The following RAD17 variants were observed in gnomAD, a reference collection of about 807,000 sequenced individuals.
The protein encoded by RAD17 is cell cycle checkpoint protein RAD17.
In RAD17, 31 loss-of-function variants were observed where a neutral mutation model predicts 81.5. That is an observed-to-expected ratio of 0.38 (90% confidence interval 0.29 to 0.51). RAD17 has a LOEUF of 0.51. Among genes scored for constraint, RAD17 ranks in the 20% least tolerant of loss-of-function variants. The pLI, the probability that RAD17 is intolerant of heterozygous loss-of-function variation, is 0.88. For missense variants in RAD17, 681 were observed against 781.2 expected (o/e 0.87, Z 1.53); for synonymous variants, 261 against 266.2 (o/e 0.98, Z 0.19).
Position 69,414,242 on chromosome 5 carries a change from G to C in RAD17, c.1963G>C (p.Asp655His). The C allele has an allele frequency of 5.0e-6, 8 of 1,614,166 alleles. No individual in the cohort carries two copies. The highest frequency in any genetic ancestry group is 5.9e-6 in the Non-Finnish European group (7 of 1,179,994). ...GCCCCAGCCCTTTTCAGCCCAAGGAGACATGGAAGAAAACATAATAATAGA... is the reference window on the plus strand; with the variant it reads ...GCCCCAGCCCTTTTCAGCCCAAGGACACATGGAAGAAAACATAATAATAGA... ...SQPQPFSAQG[D>H]MEENIIIEDY... The change falls in exon 19 of 19, where the codon GAC becomes CAC. Residue 655 changes from aspartate (D) to histidine (H), a missense_variant. Physicochemically the swap from Asp to His is moderately conservative, Grantham distance 81. Coordinates refer to ENST00000354868, the MANE Select transcript of RAD17 (RefSeq NM_133338.3).
intron 17 of RAD17, among the ~76,000 whole-genome samples, chr5:69,403,019 A>G (rs549255051): frequency 2.6e-5 from 4 of 152,296 alleles, no homozygotes; most frequent in African/African-American, 9.6e-5. Context: ...ATTTTTAATT[A>G]ATAGAGATGG....
At chr5:69,409,460 T>C (rs1385979254) in intron 17 of RAD17, among the ~76,000 whole-genome samples, 1 of 152,146 alleles carries the variant, frequency 6.6e-6, no homozygotes, top group Admixed American at 6.6e-5. Context: ...AGGGAGGAGA[T>C]AGTGGCTCAG....
Position 69,414,205 on chromosome 5 carries a change from G to A in RAD17, c.1926G>A (p.Leu642=), listed in dbSNP as rs145547419. Residue 642 remains leucine (L), a synonymous_variant, in exon 19 of 19, where the codon CTG becomes CTA. Transcript: ENST00000354868. ...TGAGTCAGAATAGTGCCAGTGAACT[G>A]CCTGCTAGCCAGCCCCAGCCCTTTT... ...LPLSQNSASE[L]PASQPQPFSA... The A allele has an allele frequency of 1.5e-4, 248 of 1,614,210 alleles. 1 individual carries two copies. In the African/African-American group the frequency reaches 3.1e-3, roughly 20 times the overall value.
rs763135068 is a variant in RAD17, at chr5:69,393,175, G to A, written c.1210G>A (p.Asp404Asn). The A allele has an allele frequency of 1.9e-6, 3 of 1,608,994 alleles. No individual in the cohort carries two copies. The highest frequency in any genetic ancestry group is 1.3e-5 in the African/African-American group (1 of 74,760). ...YCKRASLTEL[D>N]SPRLPSHLSE... ...TATAGGAGCATCTTTAACAGAATTA[G>A]ACTCACCTCGGTTGCCCTCTCATTT... The change falls in exon 14 of 19, where the codon GAC becomes AAC. Residue 404 changes from aspartate (D) to asparagine (N), a missense_variant. Coordinates refer to ENST00000354868, the MANE Select transcript of RAD17 (RefSeq NM_133338.3).
At chr5:69,389,167 A>G in intron 12 of RAD17, 22 bp downstream of exon 12, 2 of 1,422,954 alleles carry the variant, frequency 1.4e-6, no homozygotes, top group Non-Finnish European at 1.9e-6. Context: ...AGATACAGTC[A>G]TGTGGCATTA....
At chr5:69,371,580 T>C (rs757227641) in intron 3 of RAD17, 23 bp downstream of exon 3, 8 of 1,326,636 alleles carry the variant, frequency 6.0e-6, no homozygotes, top group South Asian at 4.2e-5. Context: ...GGAATGGCCA[T>C]GTAATAATTG....
At chr5:69,383,083 A>C (rs867505110) in intron 7 of RAD17, among the ~76,000 whole-genome samples, 11 of 151,854 alleles carry the variant, frequency 7.2e-5, no homozygotes, top group Non-Finnish European at 1.5e-4. Context: ...CATGCGTGGC[A>C]ATAGTACCAA....
chr5:69,370,815 C>T (rs974260255), intron 1 of RAD17: 2 of 179,580 alleles, frequency 1.1e-5, no homozygotes, highest in African/African-American at 4.8e-5. Context: ...ATGTGTGCCT[C>T]CAAACTGTAA....
chr5:69,382,788 T>C (rs1206376539), intron 7 of RAD17, among the ~76,000 whole-genome samples: 1 of 152,130 alleles, frequency 6.6e-6, no homozygotes, highest in African/African-American at 2.4e-5. Flanking sequence ...ATTTAAAAAT[T>C]GATAATAGTA....
intron 8 of RAD17, 86 bp from the exon 9 acceptor site, chr5:69,385,957 T>C: frequency 8.1e-7 from 1 of 1,232,554 alleles, no homozygotes; most frequent in East Asian, 2.7e-5. Context: ...TAAATATATT[T>C]TTGCCTACCT....
At chr5:69,390,733 A>G (rs1345567307) in intron 12 of RAD17, among the ~76,000 whole-genome samples, 3 of 151,168 alleles carry the variant, frequency 2.0e-5, no homozygotes, top group Non-Finnish European at 4.4e-5. Flanking sequence ...GGTGGAAGAA[A>G]GCTTCAACCT....
chr5:69,388,228 T>C (rs1025278949), intron 11 of RAD17, among the ~76,000 whole-genome samples: 4 of 152,218 alleles, frequency 2.6e-5, no homozygotes, highest in African/African-American at 9.6e-5. Flanking sequence ...CAAGTGGCTC[T>C]GGTTTAAAAA....
chr5:69,373,712 T>TAGTTTTAAAGGTTA, intron 4 of RAD17, 118 bp from the exon 5 acceptor site: 1 of 373,564 alleles, frequency 2.7e-6, no homozygotes. Flanking sequence ...TTTTTTTTTT[T>TAGTTTTAAAGGTTA]TTTTAAGTTT....
At chr5:69,397,429 A>G (rs1764963111) in intron 16 of RAD17, among the ~76,000 whole-genome samples, 2 of 151,920 alleles carry the variant, frequency 1.3e-5, no homozygotes, top group Non-Finnish European at 2.9e-5. Flanking sequence ...GGCATGAGCC[A>G]CTGTGCCCAG....
chr5:69,371,933 C>A, intron 3 of RAD17, 101 bp from the exon 4 acceptor site: 2 of 552,576 alleles, frequency 3.6e-6, no homozygotes, highest in Non-Finnish European at 2.8e-6. Flanking sequence ...CAGACAGTTT[C>A]ATGCATGCAG....
At chr5:69,402,851 A>C (rs1765361412) in intron 17 of RAD17, among the ~76,000 whole-genome samples, 1 of 152,112 alleles carries the variant, frequency 6.6e-6, no homozygotes, top group African/African-American at 2.4e-5. Context: ...ATGATATCCC[A>C]TTATTCTTAA....
upstream of RAD17, chr5:69,369,621 C>G (rs771075533): frequency 1.3e-6 from 2 of 1,572,632 alleles, no homozygotes; most frequent in Non-Finnish European, 1.7e-6. Flanking sequence ...GCGCCCCTAG[C>G]CTGCCCCGGC....
At position 69,414,191 on chromosome 5, in the gene RAD17, A is replaced by G. The variant is rs1459363843; in HGVS notation, c.1912A>G (p.Ser638Gly). The G allele has an allele frequency of 5.0e-6, 8 of 1,614,144 alleles. No individual in the cohort carries two copies. The highest frequency in any genetic ancestry group is 6.8e-6 in the Non-Finnish European group (8 of 1,180,058). ...CTGGTCTCTTCCTTTGAGTCAGAAT[A>G]GTGCCAGTGAACTGCCTGCTAGCCA... The part of the protein sequence containing the change: ...ETWSLPLSQN[S>G]ASELPASQPQ... The change falls in exon 19 of 19, where the codon AGT becomes GGT. Residue 638 changes from serine (S) to glycine (G), a missense_variant. Ser to Gly is a moderately conservative substitution (Grantham distance 56). Transcript: ENST00000354868.
chr5:69,398,034 G>T (rs186409152), intron 16 of RAD17, among the ~76,000 whole-genome samples: 2 of 151,938 alleles, frequency 1.3e-5, no homozygotes, highest in African/African-American at 2.4e-5. Context: ...GGAGAATGGC[G>T]TGAACCCAGG....
Sources: allele counts gnomAD v4.1 joint callset (sites outside exome capture counted in the v4.1 genomes callset), GRCh38; gene constraint gnomAD v4.1.1; transcripts MANE v1.5; gene names NCBI Gene and HGNC (gene_info 2026-07-23, HGNC 2026-07-21).